SORCS1: variants seen among roughly 807,000 people sequenced by gnomAD.
SORCS1 encodes VPS10 domain-containing receptor SorCS1.
SORCS1 carries 60 observed loss-of-function variants against 146.1 expected under a neutral mutation model. The ratio of observed to expected loss-of-function variants is 0.41; its 90% confidence interval spans 0.33 to 0.51. SORCS1 has a LOEUF of 0.51. Among genes scored for constraint, SORCS1 ranks in the 20% least tolerant of loss-of-function variants. The pLI is 0.21. For missense variants in SORCS1, 1,352 were observed against 1,487.6 expected (o/e 0.91, Z 1.50); for synonymous variants, 637 against 584.0 (o/e 1.09, Z -1.31).
At chr10:106,956,364 G>T in intron 2 of SORCS1, 149 bp downstream of exon 2, 1 of 661,714 alleles carries the variant, frequency 1.5e-6, no homozygotes, top group South Asian at 1.9e-5. Flanking sequence ...AAAGCCCAGC[G>T]CATCACTAAA....
chr10:106,963,110 ATTTTTTTTTTT>A (rs749174613), intron 1 of SORCS1, among the ~76,000 whole-genome samples: 2 of 76,296 alleles, frequency 2.6e-5, no homozygotes, highest in African/African-American at 9.1e-5. Flanking sequence ...AATGGCCAGA[ATTTTTTTTTTT>A]TTTTTTTTTT....
intron 24 of SORCS1, among the ~76,000 whole-genome samples, chr10:106,581,004 G>C (rs911544152): frequency 6.6e-6 from 1 of 152,072 alleles, no homozygotes; most frequent in Non-Finnish European, 1.5e-5. Context: ...GATGGGTGGG[G>C]TCCCACTGCC....
intron 1 of SORCS1, among the ~76,000 whole-genome samples, chr10:107,045,088 G>C (rs981468424): frequency 1.3e-5 from 2 of 152,120 alleles, no homozygotes; most frequent in Non-Finnish European, 2.9e-5. Flanking sequence ...GACCAGGACC[G>C]TATTATGAAG....
At position 106,713,578 on chromosome 10, in the gene SORCS1, A is replaced by G. The variant is rs147590030; in HGVS notation, c.1025-4237T>C. Among the ~76,000 whole-genome samples, 96 of 152,364 alleles carry G rather than the reference A, an allele frequency of 6.3e-4. 4 individuals carry two copies. In the East Asian group the frequency reaches 0.015, roughly 24 times the overall value. On this transcript the variant is annotated intron_variant, in intron 6 of 25. Transcript: ENST00000263054. ...AGATGGAATTTAACATTTGTTGTTCATCTGTGAGCCAGGCAGTCTGAAGCA... is the reference window on the plus strand; with the variant it reads ...AGATGGAATTTAACATTTGTTGTTCGTCTGTGAGCCAGGCAGTCTGAAGCA...
chr10:107,123,426 G>A (rs1966517532), intron 1 of SORCS1, among the ~76,000 whole-genome samples: 2 of 152,196 alleles, frequency 1.3e-5, no homozygotes, highest in South Asian at 4.1e-4. Context: ...CCTTGCAGTG[G>A]ATAGATGGAA....
At chr10:107,150,637 C>T (rs1968712521) in intron 1 of SORCS1, among the ~76,000 whole-genome samples, 1 of 152,206 alleles carries the variant, frequency 6.6e-6, no homozygotes, top group Non-Finnish European at 1.5e-5. Context: ...CCATCCAAAT[C>T]TCATCTTCAA....
intron 17 of SORCS1, among the ~76,000 whole-genome samples, chr10:106,661,843 C>T: frequency 6.6e-6 from 1 of 152,248 alleles, no homozygotes; most frequent in East Asian, 1.9e-4. Context: ...CCCTAACAGG[C>T]TAAGGCCCCA....
At position 106,993,877 on chromosome 10, in the gene SORCS1, G is replaced by A. The variant is rs117975232; in HGVS notation, c.559-37297C>T. ...TTGATTGACTCAGGAGTTTGAGACCGGCCTGGGCAACATGGTGAAACCCCA... is the reference window on the plus strand; with the variant it reads ...TTGATTGACTCAGGAGTTTGAGACCAGCCTGGGCAACATGGTGAAACCCCA... On this transcript the variant is annotated intron_variant, in intron 1 of 25. Transcript: ENST00000263054. 2.0e-4 allele frequency among the ~76,000 whole-genome samples: 30 copies of A among 151,636 alleles called. No homozygotes were observed. In the East Asian group the frequency reaches 3.9e-3, roughly 20 times the overall value.
At chr10:106,766,585 C>A (rs960530353) in intron 4 of SORCS1, among the ~76,000 whole-genome samples, 1 of 152,142 alleles carries the variant, frequency 6.6e-6, no homozygotes, top group African/African-American at 2.4e-5. Context: ...GAACCAAAAT[C>A]TACAACACTT....
At chr10:107,003,674 G>A (rs574395288) in intron 1 of SORCS1, among the ~76,000 whole-genome samples, 15 of 151,900 alleles carry the variant, frequency 9.9e-5, no homozygotes, top group South Asian at 2.1e-4. Context: ...CTGCAGTGTC[G>A]GTCTAATTCT....
chr10:106,636,757 A>C, intron 18 of SORCS1, among the ~76,000 whole-genome samples: 1 of 152,214 alleles, frequency 6.6e-6, no homozygotes, highest in Non-Finnish European at 1.5e-5. Context: ...ATCAATCTTC[A>C]ACCCTAAAAG....
At chr10:106,917,114 T>C (rs1225870503) in intron 2 of SORCS1, among the ~76,000 whole-genome samples, 3 of 152,206 alleles carry the variant, frequency 2.0e-5, no homozygotes. Context: ...AAGTATGATG[T>C]TCTTGGAGAG....
intron 10 of SORCS1, among the ~76,000 whole-genome samples, chr10:106,682,321 G>A (rs570302643): frequency 3.9e-5 from 6 of 152,284 alleles, no homozygotes; most frequent in Admixed American, 2.6e-4. Flanking sequence ...CATTAGAAAT[G>A]ATCTTTTGGT....
intron 1 of SORCS1, among the ~76,000 whole-genome samples, chr10:107,088,170 G>T (rs986999953): frequency 6.8e-6 from 1 of 146,732 alleles, no homozygotes; most frequent in Non-Finnish European, 1.5e-5. Flanking sequence ...TTACAGGGGT[G>T]AGCCACCGTG....
intron 1 of SORCS1, among the ~76,000 whole-genome samples, chr10:107,100,633 T>C (rs1590136371): frequency 6.6e-6 from 1 of 152,256 alleles, no homozygotes; most frequent in Middle Eastern, 3.4e-3. Context: ...AGAAAGAGCT[T>C]GAAAATTGAG....
chr10:107,102,051 T>A (rs1441690088), intron 1 of SORCS1, among the ~76,000 whole-genome samples: 1 of 152,196 alleles, frequency 6.6e-6, no homozygotes, highest in Non-Finnish European at 1.5e-5. Context: ...ATAAGGGAGC[T>A]TTCTGGACCT....
intron 2 of SORCS1, among the ~76,000 whole-genome samples, chr10:106,836,241 G>A (rs1344769870): frequency 1.3e-5 from 2 of 152,132 alleles, no homozygotes; most frequent in Non-Finnish European, 2.9e-5. Context: ...TTGGGAGGCC[G>A]AGGCGGGCAG....
intron 2 of SORCS1, among the ~76,000 whole-genome samples, chr10:106,857,263 A>G (rs1473716420): frequency 6.6e-6 from 1 of 152,220 alleles, no homozygotes; most frequent in Admixed American, 6.5e-5. Context: ...TAGAAAGCAT[A>G]CAGATATCCT....
Position 106,709,237 on chromosome 10 carries a change from A to G in SORCS1, c.1129T>C (p.Tyr377His). The change falls in exon 7 of 26, where the codon TAT (tyrosine) becomes CAT (histidine). Residue 377 changes from tyrosine to histidine, a missense_variant. By Grantham distance (83) the Tyr-to-His change is moderately conservative. This residue lies in a region of SORCS1 where 648 missense variants were observed against 793.8 expected (regional missense o/e 0.82). Coordinates refer to ENST00000263054, the MANE Select transcript of SORCS1 (RefSeq NM_052918.5). ...ATTTTTCCTACCTGAACAAACACAT[A>G]ATGATCCTGAACAATCAAAGAGTCT... ...DPDSLIVQDHYVFVQLTSGGR... is the reference protein window; with the variant it reads ...DPDSLIVQDHHVFVQLTSGGR... The G allele has an allele frequency of 6.2e-7, 1 of 1,612,860 alleles. No homozygotes were observed. Among genetic ancestry groups the G allele is most frequent in the Non-Finnish European group, 8.5e-7 (1 of 1,179,072 alleles).
Sources: gnomAD v4.1 joint callset for allele counts (sites outside exome capture counted in the v4.1 genomes callset) on GRCh38, gnomAD v4.1.1 for gene constraint, gnomAD v4.1.1 regional missense constraint, MANE v1.5 for transcripts, NCBI Gene and HGNC (gene_info 2026-07-23, HGNC 2026-07-21) for gene names.